PELI2: variants seen among roughly 807,000 people sequenced by gnomAD.
The protein encoded by PELI2 is pellino E3 ubiquitin protein ligase family member 2, also known as E3 ubiquitin-protein ligase pellino homolog 2.
PELI2 carries 23 observed loss-of-function variants against 42.3 expected under a neutral mutation model. The ratio of observed to expected loss-of-function variants is 0.54; its 90% CI spans 0.39 to 0.77. PELI2 has a LOEUF of 0.77. Ranked by LOEUF, PELI2 falls within the 30% of genes least tolerant of loss-of-function variation. PELI2 has a pLI of 0.00. For missense variants in PELI2, 463 were observed against 553.2 expected, an observed-to-expected ratio of 0.84 and a Z score of 1.64; for synonymous variants, 245 against 212.2, an observed-to-expected ratio of 1.15 and a Z score of -1.34.
intron 2 of PELI2, among the ~76,000 whole-genome samples, chr14:56,274,203 G>T (rs1566677863): frequency 6.6e-6 from 1 of 151,652 alleles, no homozygotes. Flanking sequence ...CAGGGAAAAG[G>T]ACATTAGTAA....
chr14:56,202,788 C>T (rs1373323741), intron 2 of PELI2, among the ~76,000 whole-genome samples: 1 of 152,124 alleles, frequency 6.6e-6, no homozygotes, highest in Non-Finnish European at 1.5e-5. Flanking sequence ...CATCTTTAAC[C>T]AGAATCTGAT....
intron 5 of PELI2, among the ~76,000 whole-genome samples, chr14:56,292,489 G>C (rs1052000861): frequency 6.6e-6 from 1 of 152,242 alleles, no homozygotes; most frequent in Non-Finnish European, 1.5e-5. Context: ...CTGGAGGTTA[G>C]ATTTTGGAGA....
At chr14:56,212,536 G>A (rs1052539546) in intron 2 of PELI2, among the ~76,000 whole-genome samples, 1 of 152,162 alleles carries the variant, frequency 6.6e-6, no homozygotes, top group Non-Finnish European at 1.5e-5. Context: ...TCCTGCAGTG[G>A]AGTTGAAGAC....
At chr14:56,239,310 A>G (rs1229860974) in intron 2 of PELI2, among the ~76,000 whole-genome samples, 3 of 152,238 alleles carry the variant, frequency 2.0e-5, no homozygotes, top group African/African-American at 7.2e-5. Context: ...AAATAGGGAA[A>G]TAGTCCTCAA....
chr14:56,170,894 TAAAA>T (rs571359693), intron 1 of PELI2, among the ~76,000 whole-genome samples: 122 of 152,254 alleles, frequency 8.0e-4, no homozygotes, highest in African/African-American at 2.7e-3. Context: ...GTCTCCAGAA[TAAAA>T]AAGAAAGTTA....
In PELI2 at chr14:56,182,650, T is replaced by G. The variant is rs187843352; in HGVS notation, c.207+4186T>G. Among the ~76,000 whole-genome samples, 365 of 152,266 alleles carry G rather than the reference T, an allele frequency of 2.4e-3. 3 individuals carry two copies. The highest frequency in any genetic ancestry group is 4.0e-3 in the Non-Finnish European group (275 of 68,016). ...AAAATATTAGTGGTCTTTGATAGTT[T>G]AGAGAAACATGAGGGCCATTTAATG... On this transcript the variant is annotated intron_variant, in intron 2 of 5. Coordinates refer to ENST00000267460, the MANE Select transcript of PELI2 (RefSeq NM_021255.3).
intron 1 of PELI2, among the ~76,000 whole-genome samples, chr14:56,164,332 T>A (rs1337543883): frequency 6.6e-6 from 1 of 152,150 alleles, no homozygotes; most frequent in Non-Finnish European, 1.5e-5. Flanking sequence ...GTTGATACAG[T>A]GTATCATATT....
Position 56,197,793 on chromosome 14 carries a change from G to A in PELI2, c.207+19329G>A, listed in dbSNP as rs1190214484. On this transcript the variant is annotated intron_variant, in intron 2 of 5. Coordinates refer to ENST00000267460, the MANE Select transcript of PELI2 (RefSeq NM_021255.3). The surrounding 1 kb of genome is among the most constrained non-coding windows in gnomAD (Gnocchi z 4.9). ...AAAGATTAACCCAATCCAAGCAAGAGGGAATTATCAGCAGATGGCCTTCAG... is the reference window on the plus strand; with the variant it reads ...AAAGATTAACCCAATCCAAGCAAGAAGGAATTATCAGCAGATGGCCTTCAG... Among the ~76,000 whole-genome samples the A allele has an allele frequency of 6.6e-6, 1 of 152,090 alleles. No individual in the cohort carries two copies. The highest frequency in any genetic ancestry group is 1.5e-5 in the Non-Finnish European group (1 of 68,024).
rs1360520292 is a variant in PELI2 at position 56,181,693 on chromosome 14, A to C, written c.207+3229A>C. Among the ~76,000 whole-genome samples the C allele has an allele frequency of 3.3e-5, 5 of 152,054 alleles. No individual in the cohort carries two copies. In the East Asian group the frequency reaches 9.6e-4, roughly 29 times the overall value. ...TGGCAGCTGGGAAACAGGACCTCTT[A>C]GTTTTCCATGCATGTCTATATCCAG... On this transcript the variant is annotated intron_variant, in intron 2 of 5. Transcript: ENST00000267460.
intron 2 of PELI2, among the ~76,000 whole-genome samples, chr14:56,241,547 A>G (rs940581414): frequency 1.1e-4 from 16 of 152,186 alleles, no homozygotes; most frequent in African/African-American, 3.6e-4. Context: ...CACTAGAGGC[A>G]CAGGAGTTGG....
At chr14:56,163,512 C>T (rs921629735) in intron 1 of PELI2, among the ~76,000 whole-genome samples, 5 of 151,908 alleles carry the variant, frequency 3.3e-5, no homozygotes, top group African/African-American at 7.3e-5. Context: ...AATGTGATTT[C>T]TCCGGTTTCA....
intron 2 of PELI2, among the ~76,000 whole-genome samples, chr14:56,226,653 T>G (rs1887366641): frequency 1.3e-5 from 2 of 152,238 alleles, no homozygotes; most frequent in Non-Finnish European, 2.9e-5. Context: ...GCACTTGTGT[T>G]AAGATTGGTA....
chr14:56,271,138 T>C (rs765008187), intron 2 of PELI2, among the ~76,000 whole-genome samples: 1 of 152,206 alleles, frequency 6.6e-6, no homozygotes, highest in Non-Finnish European at 1.5e-5. Flanking sequence ...CCTCTAGTCC[T>C]CACCCTGCTC....
At chr14:56,262,709 G>A (rs146472571) in intron 2 of PELI2, among the ~76,000 whole-genome samples, 4 of 152,210 alleles carry the variant, frequency 2.6e-5, no homozygotes, top group African/African-American at 9.6e-5. Flanking sequence ...TTAGGGCTGA[G>A]CCTCAAGCTG....
intron 1 of PELI2, among the ~76,000 whole-genome samples, chr14:56,145,520 CCTT>C (rs1256110982): frequency 2.0e-5 from 3 of 152,226 alleles, no homozygotes; most frequent in Non-Finnish European, 4.4e-5. Flanking sequence ...CTTCCCCACA[CCTT>C]CTTTCCACTC....
intron 3 of PELI2, among the ~76,000 whole-genome samples, chr14:56,280,949 A>T (rs242593): frequency 3.9e-5 from 6 of 151,936 alleles, no homozygotes; most frequent in South Asian, 2.1e-4. Context: ...ATAAATATAT[A>T]AAATAGTTTT....
chr14:56,233,410 T>G (rs535009823), intron 2 of PELI2, among the ~76,000 whole-genome samples: 1 of 152,084 alleles, frequency 6.6e-6, no homozygotes, highest in Non-Finnish European at 1.5e-5. Context: ...AACAGAGATA[T>G]AGACCAATGG....
In PELI2 at chr14:56,288,380, A is replaced by G. The variant is rs1308796712; in HGVS notation, c.310-57A>G. On this transcript the variant is annotated intron_variant, in intron 3 of 5. Coordinates refer to ENST00000267460, the MANE Select transcript of PELI2 (RefSeq NM_021255.3). The surrounding 1 kb of genome is among the most constrained non-coding windows in gnomAD (Gnocchi z 4.6). ...TCCTGAATGCTTTTTCCTTGTGAATAAAATACGGCACCCTGCTATTTTCCA... is the reference window on the plus strand; with the variant it reads ...TCCTGAATGCTTTTTCCTTGTGAATGAAATACGGCACCCTGCTATTTTCCA... 2.2e-6 allele frequency: 3 copies of G among 1,349,824 alleles called. No homozygotes were observed. Among genetic ancestry groups the G allele is most frequent in the African/African-American group, 2.9e-5 (2 of 69,888 alleles). The allele number at this position is 1,349,824 out of a possible 1,614,324, so 83.6% of individuals were successfully genotyped here.
intron 2 of PELI2, among the ~76,000 whole-genome samples, chr14:56,189,919 G>A (rs527784815): frequency 5.9e-5 from 9 of 152,262 alleles, no homozygotes; most frequent in African/African-American, 1.2e-4. Flanking sequence ...AGTGCCTTTC[G>A]TCACAGGAGA....
Sources: allele counts gnomAD v4.1 joint callset (sites outside exome capture counted in the v4.1 genomes callset), GRCh38; gene constraint gnomAD v4.1.1; non-coding constraint Gnocchi (gnomAD v3.1); transcripts MANE v1.5; gene names NCBI Gene and HGNC (gene_info 2026-07-23, HGNC 2026-07-21).